NAALADL2: variants seen among roughly 807,000 people sequenced by gnomAD.
NAALADL2 encodes N-acetylated alpha-linked acidic dipeptidase like 2, also known as inactive N-acetylated-alpha-linked acidic dipeptidase-like protein 2.
In NAALADL2, 76 loss-of-function variants were observed where a neutral mutation model predicts 87.2. The observed-to-expected ratio is 0.87, with a 90% CI of 0.72 to 1.05. The LOEUF (loss-of-function observed/expected upper bound fraction) is 1.05, where lower values mean the gene tolerates loss of function less well. NAALADL2 is among the 50% of genes least tolerant of loss of function. NAALADL2 has a pLI of 0.00. For missense variants in NAALADL2, 1,089 were observed against 945.8 expected, an observed-to-expected ratio of 1.15 and a Z score of -1.99; for synonymous variants, 354 against 331.0, an observed-to-expected ratio of 1.07 and a Z score of -0.75.
intron 2 of NAALADL2, among the ~76,000 whole-genome samples, chr3:175,173,577 T>G (rs1009761042): frequency 1.3e-5 from 2 of 152,192 alleles, no homozygotes; most frequent in Non-Finnish European, 2.9e-5. Context: ...ATATGAACCT[T>G]TATTTATCCA....
At position 175,256,389 on chromosome 3, in the gene NAALADL2, T is replaced by C. The variant is rs765537881; in HGVS notation, c.820-22T>C. 1.9e-6 allele frequency: 3 copies of C among 1,589,112 alleles called. No homozygotes were observed. The African/African-American group carries it at 4.1e-5, about 22-fold the overall frequency. The stretch of plus-strand genomic sequence containing the variant: ...TTCTTCCTCTGAGGCTTTATTTTTC[T>C]TTGTTTTTTCTCCTCTTTCAGGCTG... On this transcript the variant is annotated intron_variant, in intron 3 of 13. Coordinates refer to ENST00000454872, the MANE Select transcript of NAALADL2 (RefSeq NM_207015.3).
At chr3:175,305,183 C>T (rs1216830504) in intron 4 of NAALADL2, among the ~76,000 whole-genome samples, 1 of 151,620 alleles carries the variant, frequency 6.6e-6, no homozygotes, top group Admixed American at 6.6e-5. Context: ...TACAAGGTTC[C>T]CCTTGTGGCC....
chr3:174,735,957 C>A (rs1326515876), intron 2 of NAALADL2, among the ~76,000 whole-genome samples: 1 of 152,094 alleles, frequency 6.6e-6, no homozygotes. Context: ...TGTGAGTGAG[C>A]AAGCATGGGG....
chr3:175,468,587 AG>A (rs1443066064), intron 8 of NAALADL2, among the ~76,000 whole-genome samples: 3 of 152,046 alleles, frequency 2.0e-5, no homozygotes, highest in Non-Finnish European at 4.4e-5. Flanking sequence ...CGAATTCCAA[AG>A]ATGTATTTTG....
chr3:175,058,262 C>T (rs1712650067), intron 1 of NAALADL2, among the ~76,000 whole-genome samples: 1 of 152,170 alleles, frequency 6.6e-6, no homozygotes, highest in Non-Finnish European at 1.5e-5. Context: ...AACAATCACC[C>T]ATAGCTGTCA....
chr3:174,605,061 G>GT (rs982597142), intron 2 of NAALADL2, among the ~76,000 whole-genome samples: 4 of 152,120 alleles, frequency 2.6e-5, no homozygotes, highest in African/African-American at 9.7e-5. Context: ...CTCATTGTAT[G>GT]TTTTTTGGTT....
chr3:175,234,059 G>T lies in NAALADL2; in HGVS notation c.674G>T (p.Gly225Val). ...TACTCTGTGCTGCTTGATCTGCCAG[G>T]CCCTTCTCCCAGCACTGTGACTCTG... Reference protein sequence around the residue: ...VNYSVLLDLPGPSPSTVTLSS... With the variant: ...VNYSVLLDLPVPSPSTVTLSS... Residue 225 changes from glycine to valine, a missense_variant, in exon 3 of 14, where the codon GGC (glycine) becomes GTC (valine). By Grantham distance (109) the Gly-to-Val change is moderately radical. Transcript: ENST00000454872. 6.2e-7 allele frequency: 1 copy of T among 1,613,852 alleles called. No homozygotes were observed. Among genetic ancestry groups the T allele is most frequent in the Non-Finnish European group, 8.5e-7 (1 of 1,179,836 alleles).
intron 1 of NAALADL2, among the ~76,000 whole-genome samples, chr3:175,005,658 G>A (rs1041393221): frequency 4.6e-5 from 7 of 152,180 alleles, no homozygotes; most frequent in African/African-American, 1.7e-4. Context: ...ATTATGAAAT[G>A]TGACTGAATG....
chr3:175,060,060 A>T (rs978635641), intron 1 of NAALADL2: 6 of 327,438 alleles, frequency 1.8e-5, no homozygotes, highest in African/African-American at 1.3e-4. Context: ...GCTGGGTAGC[A>T]GCAAAATGAA....
intron 1 of NAALADL2, among the ~76,000 whole-genome samples, chr3:175,023,718 A>T (rs935551767): frequency 6.6e-6 from 1 of 152,122 alleles, no homozygotes; most frequent in African/African-American, 2.4e-5. Flanking sequence ...TAGAATGCAA[A>T]ATACTGAATG....
At chr3:175,547,383 G>A (rs1356481312) in intron 9 of NAALADL2, among the ~76,000 whole-genome samples, 3 of 151,162 alleles carry the variant, frequency 2.0e-5, no homozygotes, top group African/African-American at 7.3e-5. Context: ...TTAAAACTGG[G>A]CCATTACCAT....
chr3:175,660,087 TGTG>T (rs1281675910), intron 11 of NAALADL2, among the ~76,000 whole-genome samples: 1 of 152,150 alleles, frequency 6.6e-6, no homozygotes, highest in African/African-American at 2.4e-5. Flanking sequence ...TATGTCCTCA[TGTG>T]GTGAAAAGAG....
intron 2 of NAALADL2, among the ~76,000 whole-genome samples, chr3:174,660,160 T>G (rs1276541518): frequency 6.6e-6 from 1 of 152,170 alleles, no homozygotes; most frequent in African/African-American, 2.4e-5. Context: ...TATATGTTTA[T>G]AGTAGGAAAT....
rs1487243462 is a variant in NAALADL2, at chr3:174,524,963, A to G, written c.-183-25606A>G. On this transcript the variant is annotated intron_variant, in intron 1 of 3. Coordinates refer to the NAALADL2 transcript ENST00000434257. ...ATGTTTAGATGTACAAACACTTAGC[A>G]TTGCATTACAGTTGCCTAGAGTATT... 5.3e-5 allele frequency among the ~76,000 whole-genome samples: 8 copies of G among 152,334 alleles called. No homozygotes were observed. In the East Asian group the frequency reaches 1.2e-3, roughly 22 times the overall value.
At chr3:175,289,128 T>C (rs58769295) in intron 4 of NAALADL2, among the ~76,000 whole-genome samples, 5,617 of 87,570 alleles carry the variant, frequency 0.064, 298 homozygotes, top group African/African-American at 0.22. Context: ...ATTTTTATGA[T>C]GCAATAATTA....
At chr3:175,106,603 ACACT>A (rs1723197998) in intron 2 of NAALADL2, among the ~76,000 whole-genome samples, 1 of 152,090 alleles carries the variant, frequency 6.6e-6, no homozygotes, top group African/African-American at 2.4e-5. Context: ...TGACTTCCTG[ACACT>A]CATGCTATAG....
At chr3:175,582,049 G>A (rs1317947220) in intron 10 of NAALADL2, among the ~76,000 whole-genome samples, 1 of 152,110 alleles carries the variant, frequency 6.6e-6, no homozygotes, top group Non-Finnish European at 1.5e-5. Context: ...CATTTCTTTA[G>A]AAGAGAAGGT....
chr3:175,318,306 G>T (rs1759408740), intron 4 of NAALADL2, among the ~76,000 whole-genome samples: 1 of 152,032 alleles, frequency 6.6e-6, no homozygotes, highest in Non-Finnish European at 1.5e-5. Flanking sequence ...ATAAACCCTA[G>T]TAAAAGGGTC....
Position 175,386,523 on chromosome 3 carries a change from A to G in NAALADL2, c.1091-60706A>G, listed in dbSNP as rs576832477. On this transcript the variant is annotated intron_variant, in intron 5 of 13. Coordinates refer to ENST00000454872, the MANE Select transcript of NAALADL2 (RefSeq NM_207015.3). ...TTTTTTTTTTCCCCTCTCCCTCTCT[A>G]TTTATCTTATTAGAGTTGATTTTGG... Among the ~76,000 whole-genome samples, 23 of 148,672 alleles carry G rather than the reference A, an allele frequency of 1.5e-4. No homozygotes were observed. In the East Asian group the frequency reaches 4.2e-3, roughly 27 times the overall value.
Sources: allele counts gnomAD v4.1 joint callset (sites outside exome capture counted in the v4.1 genomes callset), GRCh38; gene constraint gnomAD v4.1.1; transcripts MANE v1.5; gene names NCBI Gene and HGNC (gene_info 2026-07-23, HGNC 2026-07-21).